The following PXYLP1 variants were observed in gnomAD, a reference collection of about 807,000 sequenced individuals.
The protein encoded by PXYLP1 is acid phosphatase-like 2.
PXYLP1 carries 17 observed loss-of-function variants against 37.9 expected under a neutral mutation model. The ratio of observed to expected loss-of-function variants is 0.45; its 90% CI spans 0.31 to 0.67. PXYLP1 has a LOEUF of 0.67. Ranked by LOEUF, PXYLP1 falls within the 30% of genes least tolerant of loss-of-function variation. The pLI, the probability that PXYLP1 is intolerant of heterozygous loss-of-function variation, is 0.07. For synonymous variants in PXYLP1, 221 were observed against 232.2 expected, an observed-to-expected ratio of 0.95 and a Z score of 0.44; for missense variants, 511 against 612.0, an observed-to-expected ratio of 0.84 and a Z score of 1.74.
chr3:141,273,505 G>A, intron 2 of PXYLP1: 1 of 985,532 alleles, frequency 1.0e-6, no homozygotes, highest in Non-Finnish European at 1.2e-6. Flanking sequence ...TCGGGAGATG[G>A]GGTGGGGAAG....
At position 141,278,315 on chromosome 3, in the gene PXYLP1, G is replaced by A. The variant is rs180989211; in HGVS notation, c.80-27G>A. Reference sequence around the variant, plus strand: ...TGGCCTGGCGCCCCAGGAACTGTGCGTCACAACCTGCCTTACTTCGTTTCA... The same window carrying A: ...TGGCCTGGCGCCCCAGGAACTGTGCATCACAACCTGCCTTACTTCGTTTCA... On this transcript the variant is annotated intron_variant, in intron 2 of 5. Coordinates refer to ENST00000286353, the MANE Select transcript of PXYLP1 (RefSeq NM_001037172.3). 36 of 1,613,558 alleles carry A rather than the reference G, an allele frequency of 2.2e-5. No individual in the cohort carries two copies. In the African/African-American group the frequency reaches 2.3e-4, roughly 10 times the overall value.
intron 1 of PXYLP1, among the ~76,000 whole-genome samples, chr3:141,248,510 TATACACAC>T (rs1339899943): frequency 2.1e-5 from 3 of 140,506 alleles, no homozygotes; most frequent in Non-Finnish European, 3.0e-5. Flanking sequence ...TATATATATA[TATACACAC>T]ACACACACGT....
chr3:141,281,599 G>A (rs537086673), intron 4 of PXYLP1, among the ~76,000 whole-genome samples: 2 of 152,184 alleles, frequency 1.3e-5, no homozygotes, highest in African/African-American at 4.8e-5. Context: ...AGTAGTTTGG[G>A]TGCCATATTT....
rs1170879325 is a variant in PXYLP1, at chr3:141,293,985, A to G, written c.*780A>G. ...CAGAATTTGGTCTGTATCTGACACT[A>G]GAACAAAACTTGAGGGTAAATAAAC... On this transcript the variant is annotated 3_prime_UTR_variant, in exon 6 of 6. Transcript: ENST00000286353. The G allele has an allele frequency of 3.9e-5, 6 of 152,392 alleles. No individual in the cohort carries two copies. The highest frequency in any genetic ancestry group is 8.8e-5 in the Non-Finnish European group (6 of 68,036). 9.4% of individuals were successfully genotyped at this position (152,392 alleles called of 1,614,324 possible).
chr3:141,260,040 G>A (rs1941352452), intron 1 of PXYLP1, 83 bp from the exon 2 acceptor site: 1 of 949,006 alleles, frequency 1.1e-6, no homozygotes, highest in South Asian at 1.6e-5. Flanking sequence ...ATTATTATCA[G>A]TTGACAAGTT....
chr3:141,256,548 G>A (rs1011998578), intron 1 of PXYLP1, among the ~76,000 whole-genome samples: 8 of 152,014 alleles, frequency 5.3e-5, no homozygotes, highest in African/African-American at 1.9e-4. Context: ...GTATGCGCGT[G>A]TGCGCACACA....
At chr3:141,287,519 C>G in intron 5 of PXYLP1, 66 bp downstream of exon 5, 1 of 1,567,448 alleles carries the variant, frequency 6.4e-7, no homozygotes, top group Non-Finnish European at 8.6e-7. Context: ...ACCTTCCGAG[C>G]AGTTCTCCTG....
chr3:141,293,682 CTG>C lies in PXYLP1; in HGVS notation c.*482_*483del, dbSNP rs1019599866. On this transcript the variant is annotated 3_prime_UTR_variant, in exon 6 of 6. Transcript: ENST00000286353. ...AGGGCCAGATTGTAAATATTTCAGA[CTG>C]TGTGGACCAAAAGGCCACATACAGT... is the stretch of plus-strand genomic sequence containing the variant. 1.8e-5 allele frequency: 3 copies of C among 163,058 alleles called. No homozygotes were observed. The highest frequency in any genetic ancestry group is 1.8e-4 in the East Asian group (1 of 5,676). 10.1% of individuals were successfully genotyped at this position (163,058 alleles called of 1,614,324 possible). A position where few individuals can be genotyped will look rare whatever the true frequency, so the allele number is the denominator to read the frequency against.
chr3:141,243,713 G>T (rs1198308258), intron 1 of PXYLP1, among the ~76,000 whole-genome samples: 1 of 152,236 alleles, frequency 6.6e-6, no homozygotes, highest in Admixed American at 6.5e-5. Context: ...GGTTCGGCAG[G>T]TGGATGGAGC....
At chr3:141,290,294 G>C (rs1023911824) in intron 5 of PXYLP1, among the ~76,000 whole-genome samples, 4 of 152,192 alleles carry the variant, frequency 2.6e-5, no homozygotes, top group African/African-American at 9.7e-5. Context: ...GATACTGCAG[G>C]GCCTTAGAGA....
chr3:141,239,566 G>C (rs1940746550), intron 1 of PXYLP1, among the ~76,000 whole-genome samples: 1 of 152,068 alleles, frequency 6.6e-6, no homozygotes, highest in South Asian at 2.1e-4. Flanking sequence ...TGATTATCTT[G>C]AAACAGCTGC....
intron 1 of PXYLP1, among the ~76,000 whole-genome samples, chr3:141,241,788 G>A (rs1000335897): frequency 1.9e-4 from 29 of 152,192 alleles, no homozygotes; most frequent in Admixed American, 1.1e-3. Flanking sequence ...AGTCTGCAGA[G>A]GAGTTTGGGC....
chr3:141,285,526 A>AC lies in PXYLP1; in HGVS notation c.366-1788_366-1787insC, dbSNP rs1480107905. Among the ~76,000 whole-genome samples the AC allele has an allele frequency of 2.9e-3, 438 of 152,036 alleles. 1 individual carries two copies. The highest frequency in any genetic ancestry group is 4.8e-3 in the Non-Finnish European group (326 of 67,968). On this transcript the variant is annotated intron_variant, in intron 4 of 5. Coordinates refer to ENST00000286353, the MANE Select transcript of PXYLP1 (RefSeq NM_001037172.3). ...AACAAACAACACAACAACAACAACA[A>AC]AAAAAAACAAAAATAAAAAACATTG... is the stretch of plus-strand genomic sequence containing the variant.
chr3:141,290,034 TTTTA>T (rs1942164687), intron 5 of PXYLP1, among the ~76,000 whole-genome samples: 2 of 152,242 alleles, frequency 1.3e-5, no homozygotes, highest in Admixed American at 6.5e-5. Flanking sequence ...TAATGGTCAT[TTTTA>T]TTTCTATTTT....
chr3:141,276,752 G>A (rs552970720), intron 2 of PXYLP1, among the ~76,000 whole-genome samples: 9 of 152,156 alleles, frequency 5.9e-5, no homozygotes, highest in Admixed American at 3.3e-4. Context: ...GAGAGGTGCC[G>A]GTTTCCACCC....
chr3:141,280,831 C>G (rs768891980), intron 4 of PXYLP1, among the ~76,000 whole-genome samples: 3 of 152,146 alleles, frequency 2.0e-5, no homozygotes, highest in Non-Finnish European at 4.4e-5. Context: ...TCTAGTGAAA[C>G]GGAATACTGT....
At chr3:141,286,778 A>G (rs1942084044) in intron 4 of PXYLP1, among the ~76,000 whole-genome samples, 1 of 152,230 alleles carries the variant, frequency 6.6e-6, no homozygotes, top group Admixed American at 6.5e-5. Context: ...TTAGAGGGGC[A>G]TGCTTAATCA....
intron 2 of PXYLP1, among the ~76,000 whole-genome samples, chr3:141,264,580 C>T (rs1159022929): frequency 2.0e-5 from 3 of 152,168 alleles, no homozygotes; most frequent in Non-Finnish European, 4.4e-5. Context: ...CTCATGGGCC[C>T]CAGGGAGCTC....
chr3:141,294,789 G>A lies in PXYLP1; in HGVS notation c.*1584G>A, dbSNP rs760024269. ...ACTGCTTTACTAACTGCTGAAAGTTGTGTTATCTCTCAAGTATTCAAAGAC... is the reference window on the plus strand; with the variant it reads ...ACTGCTTTACTAACTGCTGAAAGTTATGTTATCTCTCAAGTATTCAAAGAC... On this transcript the variant is annotated 3_prime_UTR_variant, in exon 6 of 6. Coordinates refer to ENST00000286353, the MANE Select transcript of PXYLP1 (RefSeq NM_001037172.3). 1 of 152,132 alleles carries A rather than the reference G, an allele frequency of 6.6e-6. No homozygotes were observed. Among genetic ancestry groups the A allele is most frequent in the Non-Finnish European group, 1.5e-5 (1 of 68,026 alleles). 9.4% of individuals were successfully genotyped at this position (152,132 alleles called of 1,614,324 possible). A position where few individuals can be genotyped will look rare whatever the true frequency, so the allele number is the denominator to read the frequency against.
Sources: allele counts gnomAD v4.1 joint callset (sites outside exome capture counted in the v4.1 genomes callset), GRCh38; gene constraint gnomAD v4.1.1; transcripts MANE v1.5; gene names NCBI Gene and HGNC (gene_info 2026-07-23, HGNC 2026-07-21).